The following TEAD1 variants were observed in gnomAD, a reference collection of about 807,000 sequenced individuals.
The protein encoded by TEAD1 is TEA domain transcription factor 1, also known as transcriptional enhancer factor TEF-1.
A neutral mutation model predicts 54.9 loss-of-function variants in TEAD1; 9 were observed. The observed-to-expected ratio is 0.16, with a 90% CI of 0.10 to 0.29. The LOEUF is 0.29. Among genes scored for constraint, TEAD1 ranks in the 10% least tolerant of loss-of-function variants. TEAD1 has a pLI of 1.00. For missense variants in TEAD1, 387 were observed against 535.9 expected, an observed-to-expected ratio of 0.72 and a Z score of 2.74; for synonymous variants, 200 against 187.8, an observed-to-expected ratio of 1.07 and a Z score of -0.53.
At chr11:12,732,323 C>T (rs1288700370) in intron 2 of TEAD1, among the ~76,000 whole-genome samples, 1 of 152,140 alleles carries the variant, frequency 6.6e-6, no homozygotes, top group Non-Finnish European at 1.5e-5. Context: ...TTTTTGAGGC[C>T]AAGACCATAT....
Position 12,944,040 on chromosome 11 carries a change from G to A in TEAD1, c.*6818G>A, listed in dbSNP as rs1237892730. 2 of 152,498 alleles carry A rather than the reference G, an allele frequency of 1.3e-5. No individual in the cohort carries two copies. Among genetic ancestry groups the A allele is most frequent in the Non-Finnish European group, 2.9e-5 (2 of 68,022 alleles). 9.4% of individuals were successfully genotyped at this position (152,498 alleles called of 1,614,324 possible). On this transcript the variant is annotated 3_prime_UTR_variant, in exon 13 of 13. Coordinates refer to ENST00000527636, the MANE Select transcript of TEAD1 (RefSeq NM_021961.6). ...TTTTATGTAAATCGGTTTTCGCCAC[G>A]TGTGTTTGTTCACATTCTAAATGAC...
intron 10 of TEAD1, among the ~76,000 whole-genome samples, chr11:12,912,404 A>T (rs1387877216): frequency 6.6e-6 from 1 of 152,202 alleles, no homozygotes; most frequent in Admixed American, 6.5e-5. Flanking sequence ...TCACAAAGAC[A>T]TGGCATTTAA....
chr11:12,737,898 C>T (rs906708455), intron 2 of TEAD1, among the ~76,000 whole-genome samples: 4 of 152,156 alleles, frequency 2.6e-5, no homozygotes, highest in African/African-American at 4.8e-5. Flanking sequence ...GTTTAATGGA[C>T]TCACAGTTCC....
At chr11:12,697,982 C>T (rs1255812900) in intron 2 of TEAD1, among the ~76,000 whole-genome samples, 1 of 149,338 alleles carries the variant, frequency 6.7e-6, no homozygotes, top group African/African-American at 2.5e-5. Flanking sequence ...AAGATCACGC[C>T]ACTGCACTCC....
At chr11:12,900,287 T>C (rs1948403671) in intron 9 of TEAD1, among the ~76,000 whole-genome samples, 1 of 152,024 alleles carries the variant, frequency 6.6e-6, no homozygotes, top group Non-Finnish European at 1.5e-5. Flanking sequence ...TCTCAAACTC[T>C]TGGGCTTGAA....
At chr11:12,830,157 G>T (rs1946743006) in intron 3 of TEAD1, among the ~76,000 whole-genome samples, 1 of 152,068 alleles carries the variant, frequency 6.6e-6, no homozygotes, top group East Asian at 1.9e-4. Context: ...AATTCAGAGA[G>T]CCATGAGGTG....
chr11:12,862,555 A>G (rs1947527066), intron 4 of TEAD1, among the ~76,000 whole-genome samples: 1 of 152,156 alleles, frequency 6.6e-6, no homozygotes, highest in Admixed American at 6.5e-5. Flanking sequence ...ACTGCTAAGG[A>G]CGGTGTATGA....
intron 3 of TEAD1, among the ~76,000 whole-genome samples, chr11:12,836,104 G>C (rs1946885373): frequency 6.6e-6 from 1 of 152,030 alleles, no homozygotes; most frequent in Non-Finnish European, 1.5e-5. Context: ...AAATTTATCT[G>C]TCAGTTAGAA....
intron 2 of TEAD1, among the ~76,000 whole-genome samples, chr11:12,692,589 AT>A (rs1943481941): frequency 1.3e-5 from 2 of 151,626 alleles, no homozygotes; most frequent in South Asian, 4.2e-4. Flanking sequence ...GTAGGGGTTT[AT>A]TTCCCCCCCG....
At chr11:12,770,672 T>A (rs986907609) in intron 3 of TEAD1, among the ~76,000 whole-genome samples, 2 of 152,174 alleles carry the variant, frequency 1.3e-5, no homozygotes, top group Non-Finnish European at 2.9e-5. Context: ...TTGCTTGAGG[T>A]CACATAGTAA....
intron 2 of TEAD1, among the ~76,000 whole-genome samples, chr11:12,678,779 C>T (rs1324795996): frequency 6.6e-6 from 1 of 152,096 alleles, no homozygotes; most frequent in Non-Finnish European, 1.5e-5. Context: ...TCTTGAGTGT[C>T]CTCAATCTGT....
At chr11:12,868,807 A>G (rs1947679368) in intron 5 of TEAD1, among the ~76,000 whole-genome samples, 1 of 152,148 alleles carries the variant, frequency 6.6e-6, no homozygotes, top group African/African-American at 2.4e-5. Context: ...GGCACATAGA[A>G]TTGAATCCAG....
intron 3 of TEAD1, among the ~76,000 whole-genome samples, chr11:12,790,028 A>T (rs1355982013): frequency 8.5e-5 from 13 of 152,248 alleles, no homozygotes; most frequent in Admixed American, 8.5e-4. Context: ...CAGTGGCAGC[A>T]TGTATGCTAC....
chr11:12,925,467 A>G (rs1319773824), intron 11 of TEAD1, among the ~76,000 whole-genome samples: 2 of 152,108 alleles, frequency 1.3e-5, no homozygotes, highest in Non-Finnish European at 2.9e-5. Context: ...CTCCTCTGAC[A>G]TGTGGGGATT....
At chr11:12,878,962 C>CTAGCTTTGTGTTGT in intron 5 of TEAD1, 1 of 1,234,298 alleles carries the variant, frequency 8.1e-7, no homozygotes, top group Non-Finnish European at 1.1e-6. Flanking sequence ...ACTTTTTTGG[C>CTAGCTTTGTGTTGT]TAGCTTTGTG....
intron 3 of TEAD1, among the ~76,000 whole-genome samples, chr11:12,818,521 C>T (rs943804832): frequency 8.5e-5 from 13 of 152,092 alleles, no homozygotes; most frequent in South Asian, 2.1e-4. Context: ...GTCCGGCATC[C>T]GGCTCCTTGG....
chr11:12,831,209 C>A (rs748686743), intron 3 of TEAD1, among the ~76,000 whole-genome samples: 1 of 152,182 alleles, frequency 6.6e-6, no homozygotes, highest in African/African-American at 2.4e-5. Context: ...CTAACTCTCC[C>A]CAGCCCTGTC....
At chr11:12,913,821 G>A (rs1392630378) in intron 10 of TEAD1, among the ~76,000 whole-genome samples, 5 of 152,186 alleles carry the variant, frequency 3.3e-5, no homozygotes, top group Non-Finnish European at 7.4e-5. Context: ...GTTCACTTAC[G>A]TATCATTGGC....
intron 11 of TEAD1, 44 bp from the exon 12 acceptor site, chr11:12,930,130 G>A (rs755103070): frequency 6.2e-7 from 1 of 1,612,712 alleles, no homozygotes; most frequent in Non-Finnish European, 8.5e-7. Flanking sequence ...CATGTGTTTT[G>A]GAGTCAAAAG....
Sources: allele counts gnomAD v4.1 joint callset (sites outside exome capture counted in the v4.1 genomes callset), GRCh38; gene constraint gnomAD v4.1.1; transcripts MANE v1.5; gene names NCBI Gene and HGNC (gene_info 2026-07-23, HGNC 2026-07-21).